The following ANK3 variants were observed in gnomAD, a reference collection of about 807,000 sequenced individuals.
The protein encoded by ANK3 is ankyrin 3.
In ANK3, 57 loss-of-function variants were observed where a neutral mutation model predicts 370.9. That is an observed-to-expected ratio of 0.15 (90% CI 0.12 to 0.19). The LOEUF (loss-of-function observed/expected upper bound fraction) is 0.19, where lower values mean the gene tolerates loss of function less well. Among genes scored for constraint, ANK3 ranks in the 10% least tolerant of loss-of-function variants. The pLI is 1.00. For synonymous variants in ANK3, 1,929 were observed against 1,946.3 expected, an observed-to-expected ratio of 0.99 and a Z score of 0.23; for missense variants, 4,439 against 5,302.1, an observed-to-expected ratio of 0.84 and a Z score of 5.06.
chr10:60,616,995 C>T (rs536765614), intron 1 of ANK3, among the ~76,000 whole-genome samples: 1 of 152,016 alleles, frequency 6.6e-6, no homozygotes, highest in Non-Finnish European at 1.5e-5. Context: ...CTTTGACTGT[C>T]TTTACTCAGG....
intron 1 of ANK3, among the ~76,000 whole-genome samples, chr10:60,316,000 C>T (rs746785055): frequency 5.9e-5 from 9 of 152,244 alleles, no homozygotes; most frequent in African/African-American, 1.7e-4. Flanking sequence ...GAAATAATCA[C>T]GAAAAATGCT....
At chr10:60,476,038 T>C (rs1329926302) in intron 2 of ANK3, among the ~76,000 whole-genome samples, 6 of 152,314 alleles carry the variant, frequency 3.9e-5, no homozygotes, top group African/African-American at 1.2e-4. Context: ...GAAACCTCTA[T>C]GTTTTATTGT....
chr10:60,047,126 T>C (rs554343121), intron 42 of ANK3, among the ~76,000 whole-genome samples: 1 of 152,264 alleles, frequency 6.6e-6, no homozygotes, highest in East Asian at 1.9e-4. Context: ...TTTTTAAAGT[T>C]CTTGAAAACA....
chr10:60,632,899 A>C (rs1192833579), intron 1 of ANK3, among the ~76,000 whole-genome samples: 42 of 83,152 alleles, frequency 5.1e-4, no homozygotes, highest in African/African-American at 1.5e-3. Context: ...AAAAAAATAA[A>C]AAACAAAAAA....
rs771714886 is a variant in ANK3, at chr10:60,177,593, C to CTTTTTTTTTTTTTTTTTTTTTTTTTTTT, written c.2184+3735_2184+3736insAAAAAAAAAAAAAAAAAAAAAAAAAAAA. On this transcript the variant is annotated intron_variant, in intron 18 of 43. Transcript: ENST00000280772. ...CCCATACCACACATGGTCTTCAAAT[C>CTTTTTTTTTTTTTTTTTTTTTTTTTTTT]TTTTTTTTTTTTTTTTTTGTTTGAG... Among the ~76,000 whole-genome samples, 9 of 106,252 alleles carry CTTTTTTTTTTTTTTTTTTTTTTTTTTTT rather than the reference C, an allele frequency of 8.5e-5. 1 individual carries two copies. Among genetic ancestry groups the CTTTTTTTTTTTTTTTTTTTTTTTTTTTT allele is most frequent in the African/African-American group, 1.4e-4 (4 of 29,392 alleles). The allele number at this position is 106,252 out of a possible 152,430, so 69.7% of individuals were successfully genotyped here. A position where few individuals can be genotyped will look rare whatever the true frequency, so the allele number is the denominator to read the frequency against.
At chr10:60,599,095 AT>A (rs1043665452) in intron 2 of ANK3, among the ~76,000 whole-genome samples, 4 of 151,466 alleles carry the variant, frequency 2.6e-5, no homozygotes, top group Admixed American at 6.6e-5. Context: ...TGACTGGCTA[AT>A]TTTTTTTTAT....
intron 2 of ANK3, among the ~76,000 whole-genome samples, chr10:60,583,504 G>GTTTTTTTTTTTTTTTTTTTTT (rs1567163686): frequency 7.6e-6 from 1 of 131,950 alleles, no homozygotes; most frequent in African/African-American, 2.8e-5. Flanking sequence ...TTACAGAGAG[G>GTTTTTTTTTTTTTTTTTTTTT]TTTTTTGTTT....
At chr10:60,221,544 A>G (rs1409137858) in intron 8 of ANK3, among the ~76,000 whole-genome samples, 2 of 152,232 alleles carry the variant, frequency 1.3e-5, no homozygotes, top group Admixed American at 1.3e-4. Context: ...CCAAAAGTCA[A>G]ACCCTTTTCT....
intron 1 of ANK3, among the ~76,000 whole-genome samples, chr10:60,702,440 G>T (rs1337064325): frequency 1.3e-5 from 2 of 152,168 alleles, no homozygotes; most frequent in African/African-American, 4.8e-5. Flanking sequence ...GGTAGTGCTG[G>T]TATTGTTATT....
rs141741941 is a variant in ANK3, at chr10:60,158,685, C to CTTTTTTTTTTTTTTTTTTTTTT, written c.2614+7905_2614+7906insAAAAAAAAAAAAAAAAAAAAAA. Among the ~76,000 whole-genome samples the CTTTTTTTTTTTTTTTTTTTTTT allele has an allele frequency of 9.0e-5, 12 of 132,706 alleles. 1 individual carries two copies. Among genetic ancestry groups the CTTTTTTTTTTTTTTTTTTTTTT allele is most frequent in the Non-Finnish European group, 9.3e-5 (6 of 64,466 alleles). The allele number at this position is 132,706 out of a possible 152,430, so 87.1% of individuals were successfully genotyped here. A position where few individuals can be genotyped will look rare whatever the true frequency, so the allele number is the denominator to read the frequency against. On this transcript the variant is annotated intron_variant, in intron 23 of 43. Coordinates refer to ENST00000280772, the MANE Select transcript of ANK3 (RefSeq NM_020987.5). Reference sequence around the variant, plus strand: ...TACTACAAGAGAAAGCACTTTTTTTCTTTTTTTTGAGACAGAATCTCATTC... The same window carrying CTTTTTTTTTTTTTTTTTTTTTT: ...TACTACAAGAGAAAGCACTTTTTTTCTTTTTTTTTTTTTTTTTTTTTTTTTTTTTTGAGACAGAATCTCATTC...
At chr10:60,447,622 T>G (rs552983549) in intron 2 of ANK3, among the ~76,000 whole-genome samples, 1 of 152,076 alleles carries the variant, frequency 6.6e-6, no homozygotes, top group Admixed American at 6.6e-5. Flanking sequence ...CTGGGCAAAA[T>G]GCACCATGCC....
At chr10:60,440,020 C>A (rs939240852) in intron 2 of ANK3, among the ~76,000 whole-genome samples, 1 of 152,206 alleles carries the variant, frequency 6.6e-6, no homozygotes, top group African/African-American at 2.4e-5. Context: ...ATATGCCCTT[C>A]CCTGGTGCGT....
At chr10:60,185,954 A>G (rs2096314803) in intron 17 of ANK3, among the ~76,000 whole-genome samples, 1 of 152,234 alleles carries the variant, frequency 6.6e-6, no homozygotes, top group Admixed American at 6.5e-5. Context: ...TTTAGGGAAC[A>G]GTCTTCACAA....
intron 2 of ANK3, among the ~76,000 whole-genome samples, chr10:60,444,202 C>A (rs778829360): frequency 2.6e-5 from 4 of 151,846 alleles, no homozygotes; most frequent in South Asian, 4.2e-4. Flanking sequence ...CACTAAAATT[C>A]TGGCAACTGA....
At chr10:60,238,420 C>A (rs576508320) in intron 7 of ANK3, among the ~76,000 whole-genome samples, 1 of 152,268 alleles carries the variant, frequency 6.6e-6, no homozygotes, top group East Asian at 1.9e-4. Flanking sequence ...ACCATACATA[C>A]AGGGCAGAGT....
At chr10:60,179,558 G>A (rs914126079) in intron 18 of ANK3, among the ~76,000 whole-genome samples, 6 of 152,126 alleles carry the variant, frequency 3.9e-5, no homozygotes, top group Non-Finnish European at 8.8e-5. Context: ...AGCTGGGTGT[G>A]GTGGCATGTG....
chr10:60,064,960 G>A (rs922596268), intron 38 of ANK3, among the ~76,000 whole-genome samples: 4 of 152,170 alleles, frequency 2.6e-5, no homozygotes, highest in African/African-American at 7.2e-5. Flanking sequence ...TACAAGATAC[G>A]TAGAGGTATA....
chr10:60,508,922 G>C (rs973567696), intron 2 of ANK3, among the ~76,000 whole-genome samples: 1 of 152,178 alleles, frequency 6.6e-6, no homozygotes, highest in Non-Finnish European at 1.5e-5. Context: ...TAAAACAGGT[G>C]ATTGAACCAG....
chr10:60,493,746 T>C (rs1164692826), intron 2 of ANK3, among the ~76,000 whole-genome samples: 4 of 151,910 alleles, frequency 2.6e-5, no homozygotes, highest in Non-Finnish European at 5.9e-5. Flanking sequence ...GGGTTGGCTA[T>C]ATAGAGATGT....
Sources: gnomAD v4.1 joint callset for allele counts (sites outside exome capture counted in the v4.1 genomes callset) on GRCh38, gnomAD v4.1.1 for gene constraint, MANE v1.5 for transcripts, NCBI Gene and HGNC (gene_info 2026-07-23, HGNC 2026-07-21) for gene names.